Variants in FAM110B observed in about 807,000 individuals in gnomAD.
The protein encoded by FAM110B is family with sequence similarity 110 member B, also known as protein FAM110B.
A neutral mutation model predicts 20.4 loss-of-function variants in FAM110B; 6 were observed. The ratio of observed to expected loss-of-function variants is 0.29; its 90% confidence interval spans 0.16 to 0.58. The LOEUF (loss-of-function observed/expected upper bound fraction) is 0.58. Among genes scored for constraint, FAM110B ranks in the 20% least tolerant of loss-of-function variants. The pLI is 0.90. For missense variants in FAM110B, 434 were observed against 498.2 expected (o/e 0.87, Z 1.23); for synonymous variants, 226 against 214.1 (o/e 1.06, Z -0.49).
chr8:58,078,287 G>T (rs1442539302), intron 3 of FAM110B, among the ~76,000 whole-genome samples: 2 of 152,148 alleles, frequency 1.3e-5, no homozygotes, highest in Non-Finnish European at 2.9e-5. Flanking sequence ...ATATTGTAAT[G>T]TTCTTTTGGT....
At chr8:58,133,897 G>A (rs1002304710) in intron 3 of FAM110B, among the ~76,000 whole-genome samples, 5 of 152,218 alleles carry the variant, frequency 3.3e-5, no homozygotes, top group Admixed American at 2.6e-4. Context: ...GAACTTATTA[G>A]TCATTGCTGA....
At chr8:58,096,402 T>A (rs1176240048) in intron 3 of FAM110B, among the ~76,000 whole-genome samples, 4 of 152,198 alleles carry the variant, frequency 2.6e-5, no homozygotes, top group Non-Finnish European at 4.4e-5. Flanking sequence ...GGTCTTGAAC[T>A]CCTGACCTCG....
At chr8:57,998,389 T>C (rs981226113) in intron 1 of FAM110B, among the ~76,000 whole-genome samples, 8 of 152,204 alleles carry the variant, frequency 5.3e-5, no homozygotes, top group African/African-American at 1.9e-4. Flanking sequence ...CAAGTGACTT[T>C]CTTTCCCTTA....
intron 2 of FAM110B, among the ~76,000 whole-genome samples, chr8:58,033,320 A>C (rs533853499): frequency 6.6e-6 from 1 of 152,074 alleles, no homozygotes; most frequent in Non-Finnish European, 1.5e-5. Flanking sequence ...ACCTAGGTTG[A>C]GTCTGTGTCT....
intron 1 of FAM110B, among the ~76,000 whole-genome samples, chr8:58,030,425 C>T (rs1804939969): frequency 6.6e-6 from 1 of 152,076 alleles, no homozygotes; most frequent in African/African-American, 2.4e-5. Context: ...TTTTCAGGCT[C>T]TTTGTATTGT....
At chr8:58,080,947 T>A (rs1218474433) in intron 3 of FAM110B, among the ~76,000 whole-genome samples, 1 of 152,146 alleles carries the variant, frequency 6.6e-6, no homozygotes, top group African/African-American at 2.4e-5. Context: ...CACATCATCC[T>A]TGGTCAAAAA....
At chr8:58,133,623 G>C (rs1347644367) in intron 3 of FAM110B, among the ~76,000 whole-genome samples, 1 of 152,202 alleles carries the variant, frequency 6.6e-6, no homozygotes, top group Non-Finnish European at 1.5e-5. Context: ...GATTCCAGGA[G>C]AGAGCGCAGA....
At chr8:58,141,119 C>A (rs1803735210) in intron 3 of FAM110B, among the ~76,000 whole-genome samples, 1 of 152,164 alleles carries the variant, frequency 6.6e-6, no homozygotes, top group South Asian at 2.1e-4. Flanking sequence ...TGCGACTGTT[C>A]TTAAAAGGGA....
chr8:58,096,816 G>A (rs564214750), intron 3 of FAM110B, among the ~76,000 whole-genome samples: 1 of 152,248 alleles, frequency 6.6e-6, no homozygotes, highest in Admixed American at 6.5e-5. Flanking sequence ...AGTTTGGTTG[G>A]ATATGAAATT....
intron 1 of FAM110B, among the ~76,000 whole-genome samples, chr8:58,005,279 G>C (rs189728391): frequency 4.6e-5 from 7 of 152,278 alleles, no homozygotes; most frequent in Non-Finnish European, 2.9e-5. Context: ...GGAGCAGTCA[G>C]AACACATACA....
At chr8:58,057,364 C>T (rs1183452918) in intron 2 of FAM110B, among the ~76,000 whole-genome samples, 1 of 152,234 alleles carries the variant, frequency 6.6e-6, no homozygotes, top group Non-Finnish European at 1.5e-5. Context: ...TGCACAAACA[C>T]AGGGCACATT....
intron 2 of FAM110B, among the ~76,000 whole-genome samples, chr8:58,058,375 A>G (rs1241248236): frequency 6.6e-6 from 1 of 152,190 alleles, no homozygotes; most frequent in African/African-American, 2.4e-5. Context: ...AGTCATATAA[A>G]GTATATATTA....
intron 1 of FAM110B, among the ~76,000 whole-genome samples, chr8:58,005,698 G>C (rs1017592381): frequency 1.3e-5 from 2 of 152,136 alleles, no homozygotes; most frequent in Non-Finnish European, 2.9e-5. Context: ...TATTACAGCC[G>C]TTAGCATCTC....
At chr8:58,027,639 T>G (rs1804879344) in intron 1 of FAM110B, among the ~76,000 whole-genome samples, 1 of 152,210 alleles carries the variant, frequency 6.6e-6, no homozygotes, top group Non-Finnish European at 1.5e-5. Flanking sequence ...ATCATTGATG[T>G]GCTTTCTATT....
At chr8:57,995,157 G>C (rs546447363) in intron 1 of FAM110B, among the ~76,000 whole-genome samples, 2 of 152,138 alleles carry the variant, frequency 1.3e-5, no homozygotes, top group Non-Finnish European at 2.9e-5. Context: ...AGCCAGGGCG[G>C]GGGGAAGCTG....
Position 58,146,752 on chromosome 8 carries a change from G to C in FAM110B, c.522G>C (p.Pro174=), listed in dbSNP as rs183366212. ...KVYPTQGRRS[P]QEGGSHVGRR... is the part of the protein sequence containing the mutation. ...ACCCCACGCAGGGCCGCAGGAGCCCGCAGGAGGGCGGCTCCCACGTGGGCA... is the reference window on the plus strand; with the variant it reads ...ACCCCACGCAGGGCCGCAGGAGCCCCCAGGAGGGCGGCTCCCACGTGGGCA... Residue 174 remains proline (P), a synonymous_variant, in exon 4 of 4, where the codon CCG becomes CCC. Coordinates refer to ENST00000519262, the MANE Select transcript of FAM110B (RefSeq NM_001377989.1). 2 of 1,611,688 alleles carry C rather than the reference G, an allele frequency of 1.2e-6. No individual in the cohort carries two copies. The highest frequency in any genetic ancestry group is 1.3e-5 in the African/African-American group (1 of 75,026).
At chr8:58,140,747 A>G (rs1174380677) in intron 3 of FAM110B, among the ~76,000 whole-genome samples, 1 of 152,166 alleles carries the variant, frequency 6.6e-6, no homozygotes, top group Non-Finnish European at 1.5e-5. Flanking sequence ...AGTGTCTTGA[A>G]TGTACCATGA....
intron 3 of FAM110B, among the ~76,000 whole-genome samples, chr8:58,092,362 A>C (rs891364993): frequency 6.6e-6 from 1 of 152,114 alleles, no homozygotes; most frequent in African/African-American, 2.4e-5. Flanking sequence ...CGTCATCTAC[A>C]TTAGGTATTT....
intron 2 of FAM110B, among the ~76,000 whole-genome samples, chr8:58,063,875 G>T (rs181262883): frequency 3.3e-5 from 5 of 152,148 alleles, no homozygotes. Flanking sequence ...GTCTGTGCTC[G>T]CATTGCTATA....
Sources: allele counts gnomAD v4.1 joint callset (sites outside exome capture counted in the v4.1 genomes callset), GRCh38; gene constraint gnomAD v4.1.1; transcripts MANE v1.5; gene names NCBI Gene and HGNC (gene_info 2026-07-23, HGNC 2026-07-21).